Variants in TEPSIN observed in about 807,000 individuals in gnomAD.
TEPSIN encodes the protein AP-4 complex accessory subunit tepsin.
A neutral mutation model predicts 48.5 loss-of-function variants in TEPSIN; 50 were observed. That is an observed-to-expected ratio of 1.03 (90% confidence interval 0.82 to 1.31). The LOEUF (loss-of-function observed/expected upper bound fraction) is 1.31. TEPSIN is among the 50% of genes most tolerant of loss of function. The pLI, the probability that TEPSIN is intolerant of heterozygous loss-of-function variation, is 0.00. For missense variants in TEPSIN, 838 were observed against 815.9 expected (o/e 1.03, Z -0.33); for synonymous variants, 392 against 358.8 (o/e 1.09, Z -1.05).
intron 4 of TEPSIN, among the ~76,000 whole-genome samples, chr17:81,235,176 T>C (rs2062698650): frequency 6.6e-6 from 1 of 152,192 alleles, no homozygotes; most frequent in African/African-American, 2.4e-5. Context: ...TGATAAGCCC[T>C]CTCATCCTAA....
chr17:81,228,499 C>T lies in TEPSIN; in HGVS notation c.*429G>A. ...CAGCCCGGACAAGACACCCTCAACC[C>T]ACATGCACCAAACCCAGCCTCAGCA... On this transcript the variant is annotated 3_prime_UTR_variant, in exon 13 of 13. Coordinates refer to ENST00000637944, the MANE Select transcript of TEPSIN (RefSeq NM_001363764.2). 2 of 278,222 alleles carry T rather than the reference C, an allele frequency of 7.2e-6. 1 individual carries two copies. Among genetic ancestry groups the T allele is most frequent in the South Asian group, 6.6e-5 (2 of 30,190 alleles). The allele number at this position is 278,222 out of a possible 1,614,324, so 17.2% of individuals were successfully genotyped here.
rs1394146205 is a variant in TEPSIN at position 81,236,945 on chromosome 17, C to A, written c.213+35G>T. 2.6e-6 allele frequency: 4 copies of A among 1,547,918 alleles called. No homozygotes were observed. In the Admixed American group the frequency reaches 7.7e-5, roughly 30 times the overall value. ...TCCATCCTCACCACCGTGGGCCGGG[C>A]CTCAGGCCTGACCCTTGACCACCCA... On this transcript the variant is annotated intron_variant, in intron 3 of 12. Transcript: ENST00000637944.
In TEPSIN at chr17:81,238,942, G is replaced by A. The variant is rs900022991; in HGVS notation, c.48+44C>T. ...CGAGTCCGGGGAATGCGGCGCTCGA[G>A]AGGAGCCGTGGGACCGGGGCCCGGG... On this transcript the variant is annotated intron_variant, in intron 1 of 12. Coordinates refer to ENST00000637944, the MANE Select transcript of TEPSIN (RefSeq NM_001363764.2). The A allele has an allele frequency of 3.5e-6, 5 of 1,412,456 alleles. No individual in the cohort carries two copies. In the Admixed American group the frequency reaches 1.8e-4, roughly 51 times the overall value. 87.5% of individuals were successfully genotyped at this position (1,412,456 alleles called of 1,614,324 possible). A position where few individuals can be genotyped will look rare whatever the true frequency, so the allele number is the denominator to read the frequency against.
Position 81,234,113 on chromosome 17 carries a change from A to C in TEPSIN, c.308-65T>G, listed in dbSNP as rs183852569. Reference sequence around the variant, plus strand: ...CTGGCACCGCTGCTCCCTGTGGAGCACGGTGCCCTGGGCCCACTCCAGGGT... The same window carrying C: ...CTGGCACCGCTGCTCCCTGTGGAGCCCGGTGCCCTGGGCCCACTCCAGGGT... On this transcript the variant is annotated intron_variant, in intron 4 of 12. Coordinates refer to ENST00000637944, the MANE Select transcript of TEPSIN (RefSeq NM_001363764.2). The surrounding 1 kb of genome is among the most constrained non-coding windows in gnomAD (Gnocchi z 5.4). 148 of 1,425,764 alleles carry C rather than the reference A, an allele frequency of 1.0e-4. No homozygotes were observed. In the East Asian group the frequency reaches 3.2e-3, roughly 31 times the overall value. 88.3% of individuals were successfully genotyped at this position (1,425,764 alleles called of 1,614,324 possible).
At position 81,230,317 on chromosome 17, in the gene TEPSIN, C is replaced by T. The variant is rs1233668470; in HGVS notation, c.1233+227G>A. Reference sequence around the variant, plus strand: ...GGGGGCTTCCAGGAATAGGTAGAGGCCAGTGTACTGTGAGTGCTGCAGAGT... The same window carrying T: ...GGGGGCTTCCAGGAATAGGTAGAGGTCAGTGTACTGTGAGTGCTGCAGAGT... On this transcript the variant is annotated intron_variant, in intron 12 of 12. Coordinates refer to ENST00000637944, the MANE Select transcript of TEPSIN (RefSeq NM_001363764.2). The surrounding 1 kb of genome is among the most constrained non-coding windows in gnomAD (Gnocchi z 4.2). 1.8e-6 allele frequency: 1 copy of T among 546,496 alleles called. No homozygotes were observed. Among genetic ancestry groups the T allele is most frequent in the Non-Finnish European group, 3.2e-6 (1 of 315,426 alleles). The allele number at this position is 546,496 out of a possible 1,614,324, so 33.9% of individuals were successfully genotyped here. A position where few individuals can be genotyped will look rare whatever the true frequency, so the allele number is the denominator to read the frequency against.
Position 81,229,109 on chromosome 17 carries a change from C to T in TEPSIN, c.1601G>A (p.Ser534Asn), listed in dbSNP as rs199737766. The T allele has an allele frequency of 1.2e-6, 2 of 1,613,378 alleles. No homozygotes were observed. The highest frequency in any genetic ancestry group is 1.3e-5 in the African/African-American group (1 of 74,894). The change falls in exon 13 of 13, where the codon AGC becomes AAC. Residue 534 changes from serine to asparagine, a missense_variant. By Grantham distance (46) the Ser-to-Asn change is conservative (BLOSUM62 1). Coordinates refer to ENST00000637944, the MANE Select transcript of TEPSIN (RefSeq NM_001363764.2). ...PKRGPSSCAW[S>N]RDSLFAGMEL... ...CATGCCAGCAAACAAGGAGTCGCGG[C>T]TCCACGCACAGCTGCTGGGGCCTCT...
chr17:81,237,947 G>A (rs2062754782), intron 1 of TEPSIN: 5 of 1,000,530 alleles, frequency 5.0e-6, no homozygotes, highest in East Asian at 2.2e-4. Context: ...GACTGATGTC[G>A]TGTGTTTTAC....
chr17:81,233,573 C>A lies in TEPSIN; in HGVS notation c.454+65G>T. ...GCCCTGCCCACGGATGGCACAGACA[C>A]CCAGGACACTCAAGGAGGCAGAAAC... On this transcript the variant is annotated intron_variant, in intron 6 of 12. Transcript: ENST00000637944. The surrounding 1 kb of genome is among the most constrained non-coding windows in gnomAD (Gnocchi z 5.8). 1 of 1,569,068 alleles carries A rather than the reference C, an allele frequency of 6.4e-7. No individual in the cohort carries two copies. Among genetic ancestry groups the A allele is most frequent in the Non-Finnish European group, 8.7e-7 (1 of 1,155,444 alleles).
intron 4 of TEPSIN, among the ~76,000 whole-genome samples, chr17:81,236,220 G>A (rs953634029): frequency 6.6e-6 from 1 of 152,192 alleles, no homozygotes; most frequent in Non-Finnish European, 1.5e-5. Flanking sequence ...CCGGGGCCCC[G>A]CCTCTCCTGC....
At position 81,233,411 on chromosome 17, in the gene TEPSIN, A is replaced by G. The variant is rs1202968167; in HGVS notation, c.526+21T>C. On this transcript the variant is annotated intron_variant, in intron 7 of 12. Transcript: ENST00000637944. This position sits in a 1 kb window ranked among gnomAD's most constrained non-coding sequence, Gnocchi z 5.8. ...CCCACACCCTGAGATGCCAGAGCCC[A>G]TGCAGGCCCTCCCCACTCACCCGTG... The G allele has an allele frequency of 6.2e-7, 1 of 1,608,552 alleles. No homozygotes were observed. Among genetic ancestry groups the G allele is most frequent in the Non-Finnish European group, 8.5e-7 (1 of 1,179,066 alleles).
In TEPSIN at chr17:81,231,328, C is replaced by T. The variant is rs953867374; in HGVS notation, c.1098+70G>A. The T allele has an allele frequency of 2.5e-4, 354 of 1,395,174 alleles. 1 individual carries two copies. Among genetic ancestry groups the T allele is most frequent in the Non-Finnish European group, 3.1e-4 (322 of 1,038,904 alleles). The allele number at this position is 1,395,174 out of a possible 1,614,324, so 86.4% of individuals were successfully genotyped here. A position where few individuals can be genotyped will look rare whatever the true frequency, so the allele number is the denominator to read the frequency against. ...GCACACAGGCACACGTGCACACACA[C>T]GCACACGCACACACACGCACACAGG... is the stretch of plus-strand genomic sequence containing the variant. On this transcript the variant is annotated intron_variant, in intron 11 of 12. Transcript: ENST00000637944.
intron 7 of TEPSIN, 37 bp from the exon 8 acceptor site, chr17:81,232,555 G>C (rs1386669925): frequency 6.0e-6 from 9 of 1,508,190 alleles, no homozygotes; most frequent in African/African-American, 2.8e-5. Context: ...CGGCCGCCCA[G>C]TGCGGCCCCC....
chr17:81,233,067 CT>C lies in TEPSIN; in HGVS notation c.526+364del, dbSNP rs1309486224. 3.1e-6 allele frequency: 1 copy of C among 327,076 alleles called. No homozygotes were observed. The highest frequency in any genetic ancestry group is 2.2e-5 in the African/African-American group (1 of 46,002). The allele number at this position is 327,076 out of a possible 1,614,324, so 20.3% of individuals were successfully genotyped here. On this transcript the variant is annotated intron_variant, in intron 7 of 12. Transcript: ENST00000637944. This position sits in a 1 kb window ranked among gnomAD's most constrained non-coding sequence, Gnocchi z 5.8. ...CCTGGCGCTGGTGAGCAGTTGTCCA[CT>C]GGTACTGCCCCACCTCATAACAGCT...
At chr17:81,237,667 G>A (rs2062749065) in intron 1 of TEPSIN, 1 of 618,462 alleles carries the variant, frequency 1.6e-6, no homozygotes. Flanking sequence ...CAGCCTCGGA[G>A]AAGAGGCAAA....
Position 81,228,985 on chromosome 17 carries a change from T to C in TEPSIN, c.1725A>G (p.Thr575=), listed in dbSNP as rs1482182759. The change falls in exon 13 of 13, where the codon ACA becomes ACG. Residue 575 remains threonine (T), a synonymous_variant. Transcript: ENST00000637944. ...PRAPQTSSQR[T]AAKEPPGSEP... is the part of the protein sequence containing the mutation. The stretch of plus-strand genomic sequence containing the variant: ...CTGAGCCAGGAGGCTCTTTGGCTGC[T>C]GTCCTCTGGGACGATGTTTGGGGGG... 1 of 1,613,668 alleles carries C rather than the reference T, an allele frequency of 6.2e-7. No individual in the cohort carries two copies. Among genetic ancestry groups the C allele is most frequent in the Non-Finnish European group, 8.5e-7 (1 of 1,180,036 alleles).
At chr17:81,231,306 C>T in intron 11 of TEPSIN, 92 bp downstream of exon 11, 2 of 1,311,776 alleles carry the variant, frequency 1.5e-6, no homozygotes, top group Non-Finnish European at 2.1e-6. Flanking sequence ...CAGGTGTGCA[C>T]ACAGGCACAC....
At chr17:81,235,467 A>G (rs150356945) in intron 4 of TEPSIN, among the ~76,000 whole-genome samples, 4,580 of 152,250 alleles carry the variant, frequency 0.03, 158 homozygotes, top group Admixed American at 0.11. Context: ...GTGTCCAGGC[A>G]CGGCAGGCAA....
In TEPSIN at chr17:81,233,813, T is replaced by C; in HGVS notation, c.376-97A>G. Reference sequence around the variant, plus strand: ...AGCTCCGTTCTGTCCCCCGGACACTTCTCCTGAGCCACTCAGCTGGACACA... The same window carrying C: ...AGCTCCGTTCTGTCCCCCGGACACTCCTCCTGAGCCACTCAGCTGGACACA... On this transcript the variant is annotated intron_variant, in intron 5 of 12. Coordinates refer to ENST00000637944, the MANE Select transcript of TEPSIN (RefSeq NM_001363764.2). The surrounding 1 kb of genome is among the most constrained non-coding windows in gnomAD (Gnocchi z 5.8). The C allele has an allele frequency of 7.1e-7, 1 of 1,404,232 alleles. No individual in the cohort carries two copies. Among genetic ancestry groups the C allele is most frequent in the Non-Finnish European group, 9.6e-7 (1 of 1,044,386 alleles). 87.0% of individuals were successfully genotyped at this position (1,404,232 alleles called of 1,614,324 possible). A position where few individuals can be genotyped will look rare whatever the true frequency, so the allele number is the denominator to read the frequency against.
In TEPSIN at chr17:81,233,483, G is replaced by A; in HGVS notation, c.475C>T (p.Pro159Ser). The change falls in exon 7 of 13, where the codon CCG becomes TCG. Residue 159 changes from proline to serine, a missense_variant. Pro to Ser is a moderately conservative substitution (Grantham distance 74). Coordinates refer to ENST00000637944, the MANE Select transcript of TEPSIN (RefSeq NM_001363764.2). This position sits in a 1 kb window ranked among gnomAD's most constrained non-coding sequence, Gnocchi z 5.8. ...CCGAAACCCTGGAGGGTGCTGTGCG[G>A]CCTGGCCTGGGAGCCCATGCCTGCA... ...PATGMGSQAR[P>S]HSTLQGFGYS... is the part of the protein sequence containing the mutation. The A allele has an allele frequency of 1.9e-6, 3 of 1,606,268 alleles. No homozygotes were observed. Among genetic ancestry groups the A allele is most frequent in the Non-Finnish European group, 2.5e-6 (3 of 1,176,506 alleles).
Sources: allele counts gnomAD v4.1 joint callset (sites outside exome capture counted in the v4.1 genomes callset), GRCh38; gene constraint gnomAD v4.1.1; non-coding constraint Gnocchi (gnomAD v3.1); transcripts MANE v1.5; gene names NCBI Gene and HGNC (gene_info 2026-07-23, HGNC 2026-07-21).